Variants in NFATC1 observed in about 807,000 individuals in gnomAD.
NFATC1 encodes nuclear factor of activated T-cells, cytoplasmic 1.
NFATC1 carries 22 observed loss-of-function variants against 76.0 expected under a neutral mutation model. The observed-to-expected ratio is 0.29, with a 90% CI of 0.21 to 0.41. NFATC1 has a LOEUF of 0.41. Among genes scored for constraint, NFATC1 ranks in the 10% least tolerant of loss-of-function variants. The pLI, the probability that NFATC1 is intolerant of heterozygous loss-of-function variation, is 1.00. For synonymous variants in NFATC1, 704 were observed against 613.1 expected (o/e 1.15, Z -2.19); for missense variants, 1,357 against 1,337.7 (o/e 1.01, Z -0.23).
intron 3 of NFATC1, among the ~76,000 whole-genome samples, chr18:79,443,211 G>C (rs1463635444): frequency 6.6e-6 from 1 of 152,232 alleles, no homozygotes; most frequent in Non-Finnish European, 1.5e-5. Context: ...TCACGGGAAG[G>C]ATTCTCAGAA....
intron 9 of NFATC1, among the ~76,000 whole-genome samples, chr18:79,503,280 G>A (rs972332758): frequency 6.6e-6 from 1 of 152,186 alleles, no homozygotes; most frequent in African/African-American, 2.4e-5. Flanking sequence ...TCAGACCACT[G>A]GGATACAGCC....
intron 2 of NFATC1, among the ~76,000 whole-genome samples, chr18:79,412,832 A>G (rs1303301782): frequency 1.3e-5 from 2 of 152,184 alleles, no homozygotes; most frequent in African/African-American, 2.4e-5. Context: ...GAAAGCAAGG[A>G]TTACCCCTGA....
chr18:79,513,739 G>T (rs1254924856), intron 9 of NFATC1, among the ~76,000 whole-genome samples: 7 of 152,244 alleles, frequency 4.6e-5, no homozygotes, highest in Non-Finnish European at 7.3e-5. Flanking sequence ...TCTGCCGGGG[G>T]TGTGTGGCCT....
rs772326647 is a variant in NFATC1, at chr18:79,396,338, G to C, written c.114G>C (p.Lys38Asn). 27 of 1,390,934 alleles carry C rather than the reference G, an allele frequency of 1.9e-5. No homozygotes were observed. The highest frequency in any genetic ancestry group is 2.6e-5 in the Non-Finnish European group (27 of 1,055,746). The allele number at this position is 1,390,934 out of a possible 1,614,324, so 86.2% of individuals were successfully genotyped here. A position where few individuals can be genotyped will look rare whatever the true frequency, so the allele number is the denominator to read the frequency against. Residue 38 changes from lysine to asparagine, a missense_variant, in exon 1 of 10, where the codon AAG becomes AAC. Coordinates refer to ENST00000427363, the MANE Select transcript of NFATC1 (RefSeq NM_001278669.2). ...GPAPRAGGTM[K>N]SAEEEHYGYA... ...CGCCGCGCGCCGGCGGCACCATGAA[G>C]TCAGCGGAGGAAGGTAAGCCCCGCG...
At chr18:79,415,373 C>T (rs938083339) in intron 2 of NFATC1, among the ~76,000 whole-genome samples, 30 of 152,276 alleles carry the variant, frequency 2.0e-4, no homozygotes, top group African/African-American at 7.2e-4. Context: ...AGCTTTGCCT[C>T]CTGGGTTCAC....
chr18:79,401,966 T>C (rs1279230183), intron 1 of NFATC1, among the ~76,000 whole-genome samples: 2 of 152,160 alleles, frequency 1.3e-5, no homozygotes, highest in Non-Finnish European at 2.9e-5. Context: ...CTTTGCCTCC[T>C]TGAAGAAGCA....
intron 5 of NFATC1, 92 bp from the exon 6 acceptor site, chr18:79,451,584 G>T (rs936547572): frequency 7.3e-7 from 1 of 1,362,572 alleles, no homozygotes; most frequent in Non-Finnish European, 9.5e-7. Flanking sequence ...CTCTGGGTGG[G>T]TCGGCTCACG....
intron 8 of NFATC1, among the ~76,000 whole-genome samples, chr18:79,478,198 C>T (rs1456401096): frequency 6.6e-6 from 1 of 151,106 alleles, no homozygotes; most frequent in Admixed American, 6.6e-5. Flanking sequence ...GCACCAACCA[C>T]ACAGGAAGCC....
chr18:79,473,993 A>C (rs1268300254), intron 8 of NFATC1, among the ~76,000 whole-genome samples: 1 of 99,730 alleles, frequency 1.0e-5, no homozygotes. Flanking sequence ...TTGCGAGGGA[A>C]GCGTTTTCAC....
intron 2 of NFATC1, among the ~76,000 whole-genome samples, chr18:79,412,822 G>A (rs1392220977): frequency 6.6e-6 from 1 of 152,224 alleles, no homozygotes; most frequent in African/African-American, 2.4e-5. Flanking sequence ...GGTTTCGAGA[G>A]AAAGCAAGGA....
chr18:79,402,192 G>A (rs2085290021), intron 1 of NFATC1, among the ~76,000 whole-genome samples: 1 of 152,376 alleles, frequency 6.6e-6, no homozygotes, highest in East Asian at 1.9e-4. Context: ...GACTGCACAG[G>A]TAACTCCAGG....
chr18:79,482,800 G>A (rs2089336811), intron 8 of NFATC1, among the ~76,000 whole-genome samples: 1 of 127,858 alleles, frequency 7.8e-6, no homozygotes, highest in African/African-American at 2.9e-5. Context: ...GTCCTGGGGT[G>A]TCACTTCAGC....
chr18:79,406,529 C>T lies in NFATC1; in HGVS notation c.128-3874C>T, dbSNP rs890160922. ...GACTGGTGTGAGATGGAAGCTGGTTCCTAACATAATGTTGTTTCTGCTCCA... is the reference window on the plus strand; with the variant it reads ...GACTGGTGTGAGATGGAAGCTGGTTTCTAACATAATGTTGTTTCTGCTCCA... On this transcript the variant is annotated intron_variant, in intron 1 of 9. Transcript: ENST00000427363. Among the ~76,000 whole-genome samples, 3 of 152,206 alleles carry T rather than the reference C, an allele frequency of 2.0e-5. No homozygotes were observed. The East Asian group carries it at 5.8e-4, about 29-fold the overall frequency.
At chr18:79,516,314 G>GA (rs1290917819) in intron 9 of NFATC1, among the ~76,000 whole-genome samples, 1 of 152,134 alleles carries the variant, frequency 6.6e-6, no homozygotes, top group Non-Finnish European at 1.5e-5. Context: ...GGCTTATTGC[G>GA]ATGAAAAAGA....
At chr18:79,457,136 C>G (rs1436523695) in intron 6 of NFATC1, among the ~76,000 whole-genome samples, 1 of 152,234 alleles carries the variant, frequency 6.6e-6, no homozygotes, top group African/African-American at 2.4e-5. Flanking sequence ...TGCTTTGTCA[C>G]CACATGGCGT....
chr18:79,445,070 C>T (rs906018489), intron 3 of NFATC1, among the ~76,000 whole-genome samples: 6 of 152,218 alleles, frequency 3.9e-5, no homozygotes, highest in South Asian at 2.1e-4. Context: ...CCACCCGTTT[C>T]GGGTTTGGGG....
At chr18:79,400,124 G>A (rs953956411) in intron 1 of NFATC1, 1 of 913,660 alleles carries the variant, frequency 1.1e-6, no homozygotes, top group Middle Eastern at 4.8e-4. Flanking sequence ...GACCCCTGCG[G>A]TCGCGCGCGC....
intron 8 of NFATC1, among the ~76,000 whole-genome samples, chr18:79,479,415 G>A (rs1441365571): frequency 5.9e-5 from 9 of 152,206 alleles, no homozygotes; most frequent in African/African-American, 1.9e-4. Flanking sequence ...TCTTGCAGAC[G>A]CTCACTCACT....
At chr18:79,450,930 G>C (rs755044860) in intron 4 of NFATC1, 24 bp from the exon 5 acceptor site, 66 of 1,604,378 alleles carry the variant, frequency 4.1e-5, no homozygotes, top group Non-Finnish European at 5.3e-5. Flanking sequence ...TGAAAGAAAA[G>C]CTGTGGGCTT....
Sources: gnomAD v4.1 joint callset for allele counts (sites outside exome capture counted in the v4.1 genomes callset) on GRCh38, gnomAD v4.1.1 for gene constraint, MANE v1.5 for transcripts, NCBI Gene and HGNC (gene_info 2026-07-23, HGNC 2026-07-21) for gene names.